RAD51B: variants seen among roughly 807,000 people sequenced by gnomAD.
RAD51B encodes the protein RAD51 paralog B, also known as DNA repair protein RAD51 homolog 2.
Under a neutral mutation model 42.2 loss-of-function variants are expected in RAD51B, and 38 were observed. The ratio of observed to expected loss-of-function variants is 0.90; its 90% CI spans 0.70 to 1.18. RAD51B has a LOEUF of 1.18. Among genes scored for constraint, RAD51B ranks in the 50% most tolerant of loss-of-function variants. The pLI is 0.00. For missense variants in RAD51B, 373 were observed against 400.7 expected, an observed-to-expected ratio of 0.93 and a Z score of 0.59; for synonymous variants, 154 against 145.2, an observed-to-expected ratio of 1.06 and a Z score of -0.43.
rs923685548 is a variant in RAD51B at position 68,619,486 on chromosome 14, TA to T, written c.1037-31291del. Among the ~76,000 whole-genome samples, 10 of 150,980 alleles carry T rather than the reference TA, an allele frequency of 6.6e-5. 1 individual carries two copies. Among genetic ancestry groups the T allele is most frequent in the Admixed American group, 6.6e-4 (10 of 15,176 alleles). ...CAAAAAAAAAAAGAAAAAAAAAAGT[TA>T]AAAGATAGAGATTTTAAATAAAGAA... On this transcript the variant is annotated intron_variant, in intron 10 of 11. Coordinates refer to the RAD51B transcript ENST00000488612.
intron 7 of RAD51B, among the ~76,000 whole-genome samples, chr14:68,249,905 A>G (rs971479847): frequency 1.3e-5 from 2 of 152,260 alleles, no homozygotes; most frequent in African/African-American, 4.8e-5. Context: ...GACCAAGGAT[A>G]TTAATCTCAG....
chr14:68,014,775 T>A (rs1002253209), intron 7 of RAD51B, among the ~76,000 whole-genome samples: 2 of 151,396 alleles, frequency 1.3e-5, no homozygotes, highest in Non-Finnish European at 2.9e-5. Flanking sequence ...ATGAACTGAT[T>A]ACATTGATTG....
At chr14:68,058,895 A>G (rs2076522672) in intron 7 of RAD51B, among the ~76,000 whole-genome samples, 1 of 152,196 alleles carries the variant, frequency 6.6e-6, no homozygotes, top group Non-Finnish European at 1.5e-5. Context: ...TCTTTTGCCA[A>G]CACCTGCCAA....
At chr14:68,434,408 C>A (rs1360791624) in intron 9 of RAD51B, among the ~76,000 whole-genome samples, 1 of 152,170 alleles carries the variant, frequency 6.6e-6, no homozygotes, top group Non-Finnish European at 1.5e-5. Flanking sequence ...TGAGCTTCCC[C>A]GCCACTTTGT....
At chr14:68,087,938 T>TATA in intron 7 of RAD51B, among the ~76,000 whole-genome samples, 1 of 122,124 alleles carries the variant, frequency 8.2e-6, no homozygotes, top group African/African-American at 3.5e-5. Context: ...AATTATATAA[T>TATA]TTATTATTAT....
chr14:68,655,178 C>A (rs2140141544), intron 11 of RAD51B, among the ~76,000 whole-genome samples: 1 of 152,066 alleles, frequency 6.6e-6, no homozygotes. Context: ...CTAGCTGCCC[C>A]CACTCTCAGG....
At chr14:68,270,076 C>G (rs1355091781) in intron 7 of RAD51B, among the ~76,000 whole-genome samples, 1 of 152,188 alleles carries the variant, frequency 6.6e-6, no homozygotes, top group Non-Finnish European at 1.5e-5. Flanking sequence ...AATACTAACC[C>G]TAAGAATAAC....
chr14:68,242,016 G>C (rs940859649), intron 7 of RAD51B, among the ~76,000 whole-genome samples: 6 of 152,284 alleles, frequency 3.9e-5, no homozygotes, highest in Admixed American at 2.0e-4. Context: ...GTCTCAGCCT[G>C]GCTATACCTC....
At chr14:68,148,196 T>A (rs2078295607) in intron 7 of RAD51B, among the ~76,000 whole-genome samples, 1 of 152,272 alleles carries the variant, frequency 6.6e-6, no homozygotes, top group Admixed American at 6.5e-5. Flanking sequence ...TTCCACTGTA[T>A]GTATATACTA....
intron 7 of RAD51B, among the ~76,000 whole-genome samples, chr14:68,278,479 C>G (rs1482453505): frequency 2.6e-5 from 4 of 152,180 alleles, no homozygotes; most frequent in African/African-American, 9.6e-5. Context: ...GTGTTTGATA[C>G]TCACTGGGTA....
In RAD51B at chr14:68,443,244, T is replaced by C. The variant is rs191052817; in HGVS notation, c.958-24928T>C. On this transcript the variant is annotated intron_variant, in intron 9 of 10. Coordinates refer to ENST00000471583, the MANE Select transcript of RAD51B (RefSeq NM_133510.4). Reference sequence around the variant, plus strand: ...TGGTCTAGGGATGAGTTGGATCCCATCTCTTCTTGGCCAGGGTCTGAGAAC... The same window carrying C: ...TGGTCTAGGGATGAGTTGGATCCCACCTCTTCTTGGCCAGGGTCTGAGAAC... 6.7e-4 allele frequency among the ~76,000 whole-genome samples: 102 copies of C among 152,330 alleles called. 1 individual carries two copies. The highest frequency in any genetic ancestry group is 2.1e-3 in the African/African-American group (86 of 41,570).
chr14:68,674,902 G>A (rs1016385814), intron 11 of RAD51B, among the ~76,000 whole-genome samples: 7 of 152,326 alleles, frequency 4.6e-5, no homozygotes, highest in Admixed American at 3.3e-4. Flanking sequence ...ACGATGGGCC[G>A]CTGCTCAGCC....
chr14:68,539,022 GT>G (rs1489502194), intron 10 of RAD51B, among the ~76,000 whole-genome samples: 4 of 152,134 alleles, frequency 2.6e-5, no homozygotes, highest in African/African-American at 9.7e-5. Context: ...CTCAAAGAAA[GT>G]TTTTTTCTCC....
At chr14:68,257,456 T>A (rs1318894953) in intron 7 of RAD51B, among the ~76,000 whole-genome samples, 2 of 152,276 alleles carry the variant, frequency 1.3e-5, no homozygotes, top group East Asian at 3.9e-4. Context: ...ACTCCTTCAG[T>A]GTCTAAAAAT....
intron 7 of RAD51B, among the ~76,000 whole-genome samples, chr14:68,004,124 A>G (rs1159083348): frequency 6.6e-6 from 1 of 152,016 alleles, no homozygotes; most frequent in Non-Finnish European, 1.5e-5. Flanking sequence ...AGGTCTGGAG[A>G]TCAAGACCAT....
intron 8 of RAD51B, among the ~76,000 whole-genome samples, chr14:68,403,762 A>G (rs954533301): frequency 1.3e-5 from 2 of 152,234 alleles, no homozygotes; most frequent in Non-Finnish European, 1.5e-5. Context: ...CTTTGCAACT[A>G]AGATTTACTA....
intron 8 of RAD51B, among the ~76,000 whole-genome samples, chr14:68,345,966 A>G (rs1241260303): frequency 2.0e-5 from 3 of 152,210 alleles, no homozygotes; most frequent in Non-Finnish European, 4.4e-5. Flanking sequence ...TTATTTGTTT[A>G]TAGTGATGCA....
intron 10 of RAD51B, among the ~76,000 whole-genome samples, chr14:68,644,803 A>G (rs1892532531): frequency 6.6e-6 from 1 of 152,070 alleles, no homozygotes; most frequent in Non-Finnish European, 1.5e-5. Context: ...CACTCATCAT[A>G]GGGAGTTTAG....
chr14:68,227,320 A>T (rs1285939678), intron 7 of RAD51B, among the ~76,000 whole-genome samples: 9 of 152,016 alleles, frequency 5.9e-5, no homozygotes, highest in Non-Finnish European at 1.5e-5. Context: ...CCACAACTGC[A>T]CCCCTGTTCT....
Sources: gnomAD v4.1 joint callset for allele counts (sites outside exome capture counted in the v4.1 genomes callset) on GRCh38, gnomAD v4.1.1 for gene constraint, MANE v1.5 for transcripts, NCBI Gene and HGNC (gene_info 2026-07-23, HGNC 2026-07-21) for gene names.